Variants in TP53BP2 observed in about 807,000 individuals in gnomAD.
TP53BP2 encodes tumor protein p53 binding protein 2.
Under a neutral mutation model 126.2 loss-of-function variants are expected in TP53BP2, and 62 were observed. The observed-to-expected ratio is 0.49, with a 90% CI of 0.40 to 0.61. The LOEUF (loss-of-function observed/expected upper bound fraction) is 0.61. TP53BP2 is among the 20% of genes least tolerant of loss of function. The probability of loss-of-function intolerance (pLI) is 0.00; values close to 1 mark genes in which losing one functional copy is unlikely to be tolerated. For synonymous variants in TP53BP2, 485 were observed against 502.9 expected (o/e 0.96, Z 0.48); for missense variants, 1,215 against 1,402.8 (o/e 0.87, Z 2.14).
In TP53BP2 at chr1:223,827,742, AT is replaced by A. The variant is rs1179429390; in HGVS notation, c.28-6376del. Among the ~76,000 whole-genome samples, 3 of 152,038 alleles carry A rather than the reference AT, an allele frequency of 2.0e-5. No homozygotes were observed. In the East Asian group the frequency reaches 5.8e-4, roughly 29 times the overall value. On this transcript the variant is annotated intron_variant, in intron 1 of 17. Coordinates refer to ENST00000343537, the MANE Select transcript of TP53BP2 (RefSeq NM_001031685.3). ...AGTATATCCTCAAGTTATAAAGGTTATTTTTTTCCAATATGTATCAATTCCC... is the reference window on the plus strand; with the variant it reads ...AGTATATCCTCAAGTTATAAAGGTTATTTTTTCCAATATGTATCAATTCCC...
At chr1:223,800,833 C>T in intron 9 of TP53BP2, 23 bp from the exon 10 acceptor site, 2 of 1,517,714 alleles carry the variant, frequency 1.3e-6, no homozygotes, top group South Asian at 2.4e-5. Flanking sequence ...AAAGCAGCTA[C>T]AAATAACTCA....
intron 1 of TP53BP2, among the ~76,000 whole-genome samples, chr1:223,840,453 C>T (rs1335482125): frequency 1.3e-5 from 2 of 152,182 alleles, no homozygotes; most frequent in African/African-American, 4.8e-5. Flanking sequence ...CTCTGGATTC[C>T]TAAACTCTTA....
intron 6 of TP53BP2, 97 bp downstream of exon 6, chr1:223,804,077 G>T (rs1662629343): frequency 7.4e-7 from 1 of 1,351,148 alleles, no homozygotes; most frequent in Non-Finnish European, 1.0e-6. Flanking sequence ...TGAGGCCACG[G>T]TTCAAAAGAC....
intron 1 of TP53BP2, 25 bp from the exon 2 acceptor site, chr1:223,821,392 G>C (rs757842577): frequency 6.2e-7 from 1 of 1,613,652 alleles, no homozygotes; most frequent in Non-Finnish European, 8.5e-7. Context: ...AGAAACACAT[G>C]GTTACTGGTA....
chr1:223,807,764 T>C (rs536248575), intron 4 of TP53BP2, among the ~76,000 whole-genome samples: 1 of 152,258 alleles, frequency 6.6e-6, no homozygotes, highest in South Asian at 2.1e-4. Context: ...AAGATGTATA[T>C]ACTAAAATCT....
intron 1 of TP53BP2, 41 bp from the exon 2 acceptor site, chr1:223,821,408 T>C (rs940935053): frequency 6.2e-7 from 1 of 1,612,770 alleles, no homozygotes; most frequent in East Asian, 2.2e-5. Flanking sequence ...TGGTACTGTC[T>C]GCCTAATGTG....
chr1:223,794,128 C>A (rs1471821473), intron 13 of TP53BP2, among the ~76,000 whole-genome samples: 1 of 151,752 alleles, frequency 6.6e-6, no homozygotes, highest in East Asian at 1.9e-4. Context: ...ATAAATCCTA[C>A]CAGCTTAAAC....
rs572327864 is a variant in TP53BP2 at position 223,837,158 on chromosome 1, G to T, written c.27+8496C>A. On this transcript the variant is annotated intron_variant, in intron 1 of 17. Transcript: ENST00000343537. The stretch of plus-strand genomic sequence containing the variant: ...TTGTTTTAAAATTAAAAAAAAAAGG[G>T]GGGGGGCGGGGGGTCAAGGAACTTT... Among the ~76,000 whole-genome samples, 4 of 139,030 alleles carry T rather than the reference G, an allele frequency of 2.9e-5. No homozygotes were observed. In the East Asian group the frequency reaches 6.4e-4, roughly 22 times the overall value. The allele number at this position is 139,030 out of a possible 152,430, so 91.2% of individuals were successfully genotyped here.
chr1:223,819,669 G>A (rs1044833052), intron 2 of TP53BP2, among the ~76,000 whole-genome samples: 1 of 147,518 alleles, frequency 6.8e-6, no homozygotes, highest in Admixed American at 6.8e-5. Context: ...CTGGGCGACA[G>A]AGTGAGACTC....
intron 11 of TP53BP2, among the ~76,000 whole-genome samples, chr1:223,799,545 T>C (rs974713922): frequency 1.3e-5 from 2 of 152,204 alleles, no homozygotes; most frequent in African/African-American, 2.4e-5. Flanking sequence ...AACCTGGTTA[T>C]CAAGGATTAA....
At chr1:223,812,218 G>A (rs540757061) in intron 3 of TP53BP2, among the ~76,000 whole-genome samples, 1 of 152,306 alleles carries the variant, frequency 6.6e-6, no homozygotes, top group East Asian at 1.9e-4. Context: ...TGTGGCCTCT[G>A]ACAAGTCACT....
chr1:223,790,042 C>A (rs896027738), intron 15 of TP53BP2, among the ~76,000 whole-genome samples: 2 of 150,922 alleles, frequency 1.3e-5, no homozygotes, highest in African/African-American at 4.9e-5. Flanking sequence ...GAGGCCGAGG[C>A]GGGCAGATCA....
chr1:223,784,610 C>T (rs1449512099), intron 16 of TP53BP2, among the ~76,000 whole-genome samples: 1 of 152,056 alleles, frequency 6.6e-6, no homozygotes, highest in African/African-American at 2.4e-5. Flanking sequence ...AAAACTTTTG[C>T]AAGCTTAGGA....
At chr1:223,792,337 T>C in intron 15 of TP53BP2, 52 bp downstream of exon 15, 2 of 1,555,528 alleles carry the variant, frequency 1.3e-6, no homozygotes, top group Non-Finnish European at 8.7e-7. Flanking sequence ...CAACTGCTTA[T>C]AAACCGATTC....
chr1:223,802,003 A>AT, intron 9 of TP53BP2, 113 bp downstream of exon 9: 1 of 1,081,068 alleles, frequency 9.3e-7, no homozygotes, highest in Middle Eastern at 2.1e-4. Context: ...ATATAAAAGG[A>AT]TTTTTAGAAT....
rs533012484 is a variant in TP53BP2 at position 223,800,356 on chromosome 1, G to A, written c.1337-309C>T. ...AATCCAAGCACTTTGGGAAGTGGAA[G>A]CGGGTAGATCACTTGAGCCCAGGAG... On this transcript the variant is annotated intron_variant, in intron 10 of 17. Transcript: ENST00000343537. Among the ~76,000 whole-genome samples the A allele has an allele frequency of 2.0e-5, 3 of 152,292 alleles. No individual in the cohort carries two copies. The East Asian group carries it at 5.8e-4, about 29-fold the overall frequency.
chr1:223,820,225 A>T (rs1027201972), intron 2 of TP53BP2, among the ~76,000 whole-genome samples: 1 of 152,362 alleles, frequency 6.6e-6, no homozygotes, highest in Middle Eastern at 3.4e-3. Context: ...AAATATTTTA[A>T]AAGCTGCAGG....
intron 9 of TP53BP2, among the ~76,000 whole-genome samples, chr1:223,801,564 T>A (rs1297216796): frequency 6.6e-6 from 1 of 152,208 alleles, no homozygotes; most frequent in Admixed American, 6.5e-5. Flanking sequence ...GGCTTGTACC[T>A]CTCCATGTAT....
At chr1:223,785,968 C>A (rs938224899) in intron 16 of TP53BP2, among the ~76,000 whole-genome samples, 2 of 151,878 alleles carry the variant, frequency 1.3e-5, no homozygotes, top group Non-Finnish European at 1.5e-5. Flanking sequence ...CCAAAATGTT[C>A]ACAGGGATGT....
Sources: gnomAD v4.1 joint callset for allele counts (sites outside exome capture counted in the v4.1 genomes callset) on GRCh38, gnomAD v4.1.1 for gene constraint, MANE v1.5 for transcripts, NCBI Gene and HGNC (gene_info 2026-07-23, HGNC 2026-07-21) for gene names.